CADPS: variants seen among roughly 807,000 people sequenced by gnomAD.
CADPS encodes the protein calcium dependent secretion activator, also known as calcium-dependent secretion activator 1.
In CADPS, 57 loss-of-function variants were observed where a neutral mutation model predicts 167.3. The ratio of observed to expected loss-of-function variants is 0.34; its 90% confidence interval spans 0.28 to 0.42. The LOEUF is 0.42. CADPS is among the 20% of genes least tolerant of loss of function. The probability of loss-of-function intolerance (pLI) is 1.00; values close to 1 mark genes in which losing one functional copy is unlikely to be tolerated. For synonymous variants in CADPS, 676 were observed against 635.3 expected, an observed-to-expected ratio of 1.06 and a Z score of -0.96; for missense variants, 1,414 against 1,738.1, an observed-to-expected ratio of 0.81 and a Z score of 3.32.
chr3:62,583,357 G>T (rs2083873503), intron 8 of CADPS, among the ~76,000 whole-genome samples: 3 of 152,116 alleles, frequency 2.0e-5, no homozygotes, highest in Admixed American at 6.5e-5. Context: ...TCACAGAGGG[G>T]GAAGACATAT....
At chr3:62,619,323 G>A (rs2062810751) in intron 6 of CADPS, among the ~76,000 whole-genome samples, 1 of 152,070 alleles carries the variant, frequency 6.6e-6, no homozygotes, top group African/African-American at 2.4e-5. Flanking sequence ...GAACCCTCAG[G>A]AACTTGGTGG....
At position 62,532,879 on chromosome 3, in the gene CADPS, A is replaced by G; in HGVS notation, c.2283T>C (p.His761=). 1 of 1,613,500 alleles carries G rather than the reference A, an allele frequency of 6.2e-7. No individual in the cohort carries two copies. Among genetic ancestry groups the G allele is most frequent in the Non-Finnish European group, 8.5e-7 (1 of 1,179,686 alleles). Reference sequence around the variant, plus strand: ...CACGAACACACACTTACCTGTTCCCATGGACATGGGATGCACAGAAGGCAA... The same window carrying G: ...CACGAACACACACTTACCTGTTCCCGTGGACATGGGATGCACAGAAGGCAA... ...YSFAFCASHV[H]GNRPDGIGTV... Residue 761 remains histidine (H), a synonymous_variant, in exon 13 of 30, where the codon CAT becomes CAC. Coordinates refer to ENST00000383710, the MANE Select transcript of CADPS (RefSeq NM_003716.4).
At chr3:62,720,545 T>C (rs561181397) in intron 3 of CADPS, among the ~76,000 whole-genome samples, 236 of 152,202 alleles carry the variant, frequency 1.6e-3, no homozygotes, top group African/African-American at 5.1e-3. Context: ...TGTTATGTTG[T>C]CCAGTCTGGT....
At chr3:62,659,015 C>T (rs545173131) in intron 4 of CADPS, among the ~76,000 whole-genome samples, 13 of 152,154 alleles carry the variant, frequency 8.5e-5, no homozygotes, top group African/African-American at 2.2e-4. Context: ...AGTAGTCCTC[C>T]GTCTCCGATC....
chr3:62,768,189 G>T (rs1469767115), intron 1 of CADPS, among the ~76,000 whole-genome samples: 5 of 152,176 alleles, frequency 3.3e-5, no homozygotes, highest in Admixed American at 3.3e-4. Flanking sequence ...ATATTAGGTA[G>T]CAGTTGATTT....
At chr3:62,598,330 C>G (rs2059212311) in intron 6 of CADPS, among the ~76,000 whole-genome samples, 1 of 152,086 alleles carries the variant, frequency 6.6e-6, no homozygotes, top group Non-Finnish European at 1.5e-5. Flanking sequence ...AACTTTTGGT[C>G]TTAGCCACAG....
chr3:62,716,309 C>T (rs1055725664), intron 3 of CADPS, among the ~76,000 whole-genome samples: 4 of 152,158 alleles, frequency 2.6e-5, no homozygotes, highest in South Asian at 2.1e-4. Flanking sequence ...CCATCTCGGC[C>T]TCCCAAAGTG....
Position 62,536,552 on chromosome 3 carries a change from C to T in CADPS, c.1996G>A (p.Asp666Asn). ...CAGGGGTTGGAAGAGATAAATTCAT[C>T]CATGCCATGTTTTTGAGCTCTATCT... ...YADRAQKHGM[D>N]EFISSNPCNF... Residue 666 changes from aspartate (D) to asparagine (N), a missense_variant, in exon 12 of 30, where the codon GAT becomes AAT. Around this residue, in one of 6 missense-constraint regions of CADPS, gnomAD observed 529 missense variants for 629.6 expected, o/e 0.84. Transcript: ENST00000383710. 6.2e-7 allele frequency: 1 copy of T among 1,613,404 alleles called. No homozygotes were observed. Among genetic ancestry groups the T allele is most frequent in the Non-Finnish European group, 8.5e-7 (1 of 1,179,484 alleles).
At chr3:62,556,814 C>A (rs984670588) in intron 10 of CADPS, among the ~76,000 whole-genome samples, 1 of 151,664 alleles carries the variant, frequency 6.6e-6, no homozygotes, top group African/African-American at 2.4e-5. Flanking sequence ...GGCTTAAGGG[C>A]TTCATTGTCT....
At chr3:62,508,783 G>A (rs1017409678) in intron 17 of CADPS, among the ~76,000 whole-genome samples, 6 of 152,102 alleles carry the variant, frequency 3.9e-5, no homozygotes, top group South Asian at 2.1e-4. Flanking sequence ...ATCATAATCT[G>A]CAGCATCACA....
chr3:62,689,535 G>C (rs1253110944), intron 3 of CADPS, among the ~76,000 whole-genome samples: 1 of 152,002 alleles, frequency 6.6e-6, no homozygotes, highest in Non-Finnish European at 1.5e-5. Context: ...AATGATAACT[G>C]AATCACTGCT....
intron 3 of CADPS, among the ~76,000 whole-genome samples, chr3:62,695,438 T>C (rs901555737): frequency 1.2e-4 from 18 of 152,086 alleles, no homozygotes; most frequent in Non-Finnish European, 2.9e-5. Flanking sequence ...AGAATCTGCA[T>C]TAATACGGCC....
intron 6 of CADPS, among the ~76,000 whole-genome samples, chr3:62,600,385 C>A (rs992102735): frequency 6.6e-6 from 1 of 152,094 alleles, no homozygotes; most frequent in Non-Finnish European, 1.5e-5. Context: ...TTTTCAGCCA[C>A]AAGCACATAA....
chr3:62,536,735 T>A (rs1344423898), intron 11 of CADPS, among the ~76,000 whole-genome samples, 154 bp from the exon 12 acceptor site: 3 of 152,178 alleles, frequency 2.0e-5, no homozygotes, highest in East Asian at 3.8e-4. Context: ...TCTTTTTACC[T>A]CCCATTGTCA....
intron 7 of CADPS, among the ~76,000 whole-genome samples, chr3:62,587,092 G>T (rs538280801): frequency 7.9e-5 from 12 of 152,306 alleles, no homozygotes; most frequent in African/African-American, 2.6e-4. Context: ...TGATATGAGT[G>T]ACAGAGTGTT....
At chr3:62,792,880 A>G (rs1301070350) in intron 1 of CADPS, among the ~76,000 whole-genome samples, 6 of 152,124 alleles carry the variant, frequency 3.9e-5, no homozygotes, top group African/African-American at 1.4e-4. Context: ...TTACAGGCAT[A>G]AGTCACTGCA....
chr3:62,597,940 G>T (rs2059156441), intron 6 of CADPS, among the ~76,000 whole-genome samples: 1 of 151,976 alleles, frequency 6.6e-6, no homozygotes, highest in Admixed American at 6.6e-5. Context: ...AATTTTCAGG[G>T]CCCAGTGCAA....
intron 3 of CADPS, among the ~76,000 whole-genome samples, chr3:62,752,099 G>A (rs1223175516): frequency 6.6e-6 from 1 of 152,144 alleles, no homozygotes; most frequent in Non-Finnish European, 1.5e-5. Flanking sequence ...TAACTCAGGT[G>A]GATGATTTTT....
intron 1 of CADPS, among the ~76,000 whole-genome samples, chr3:62,864,115 A>C (rs918370864): frequency 6.6e-5 from 10 of 152,222 alleles, no homozygotes; most frequent in African/African-American, 2.4e-4. Flanking sequence ...TTTTATAGGA[A>C]GACTTTCCTA....
Sources: allele counts gnomAD v4.1 joint callset (sites outside exome capture counted in the v4.1 genomes callset), GRCh38; gene constraint gnomAD v4.1.1; regional missense constraint gnomAD v4.1.1; transcripts MANE v1.5; gene names NCBI Gene and HGNC (gene_info 2026-07-23, HGNC 2026-07-21).